The following LIMCH1 variants were observed in gnomAD, a reference collection of about 807,000 sequenced individuals.
The protein encoded by LIMCH1 is LIM and calponin homology domains-containing protein 1.
LIMCH1 carries 113 observed loss-of-function variants against 176.5 expected under a neutral mutation model. That is an observed-to-expected ratio of 0.64 (90% CI 0.55 to 0.75). LIMCH1 has a LOEUF of 0.75. Ranked by LOEUF, LIMCH1 falls within the 30% of genes least tolerant of loss-of-function variation. The probability of loss-of-function intolerance (pLI) is 0.00; values close to 1 mark genes in which losing one functional copy is unlikely to be tolerated. For missense variants in LIMCH1, 1,674 were observed against 1,814.9 expected, an observed-to-expected ratio of 0.92 and a Z score of 1.41; for synonymous variants, 619 against 645.9, an observed-to-expected ratio of 0.96 and a Z score of 0.63.
At chr4:41,618,892 G>A (rs1301036570) in intron 5 of LIMCH1, among the ~76,000 whole-genome samples, 1 of 152,160 alleles carries the variant, frequency 6.6e-6, no homozygotes, top group Non-Finnish European at 1.5e-5. Flanking sequence ...ATCTCAGGAG[G>A]CATAAAATCC....
At chr4:41,592,460 A>G (rs2087791105) in intron 1 of LIMCH1, among the ~76,000 whole-genome samples, 1 of 147,852 alleles carries the variant, frequency 6.8e-6, no homozygotes, top group Non-Finnish European at 1.5e-5. Context: ...AGCAGCAACT[A>G]TCTTTTTTTT....
chr4:41,680,023 G>A lies in LIMCH1; in HGVS notation c.3537G>A (p.Glu1179=), dbSNP rs1247391784. ...CATAACAGGAGAGATACCAGAAGGA[G>A]CAGGACAAGCTGAAAGAAGAGTGGG... ...ERLLQERYQK[E]QDKLKEEWEK... Residue 1179 remains glutamate, a synonymous_variant, in exon 24 of 32, where the codon GAG becomes GAA. Coordinates refer to ENST00000503057, the MANE Select transcript of LIMCH1 (RefSeq NM_001330672.2). The A allele has an allele frequency of 1.2e-6, 2 of 1,609,896 alleles. No homozygotes were observed. Among genetic ancestry groups the A allele is most frequent in the African/African-American group, 2.7e-5 (2 of 74,894 alleles).
intron 2 of LIMCH1, among the ~76,000 whole-genome samples, chr4:41,520,466 T>C (rs1335843365): frequency 6.6e-6 from 1 of 152,222 alleles, no homozygotes; most frequent in African/African-American, 2.4e-5. Context: ...TACTACTGCG[T>C]GGCCTACTTG....
intron 3 of LIMCH1, among the ~76,000 whole-genome samples, chr4:41,532,287 G>T (rs938051869): frequency 2.0e-5 from 3 of 152,166 alleles, no homozygotes; most frequent in Admixed American, 2.0e-4. Context: ...TGGCTTGTGT[G>T]CTGCTGTTTG....
At chr4:41,489,639 G>C (rs963891419) in intron 1 of LIMCH1, among the ~76,000 whole-genome samples, 10 of 151,894 alleles carry the variant, frequency 6.6e-5, no homozygotes, top group African/African-American at 2.2e-4. Flanking sequence ...ATTGCAATCA[G>C]ATAACATATT....
chr4:41,635,658 C>T (rs941688870), intron 13 of LIMCH1, among the ~76,000 whole-genome samples: 11 of 152,158 alleles, frequency 7.2e-5, no homozygotes, highest in Admixed American at 5.2e-4. Context: ...CAAACACTGT[C>T]GGTATGCACA....
Position 41,627,019 on chromosome 4 carries a change from G to GTGTGTGTGTGTGTGT in LIMCH1, c.1028+9_1028+10insTGTGTGTGTGTGTGT, listed in dbSNP as rs1554136112. 8.1e-7 allele frequency: 1 copy of GTGTGTGTGTGTGTGT among 1,239,538 alleles called. No individual in the cohort carries two copies. The highest frequency in any genetic ancestry group is 1.8e-5 in the African/African-American group (1 of 56,798). The allele number at this position is 1,239,538 out of a possible 1,614,324, so 76.8% of individuals were successfully genotyped here. A position where few individuals can be genotyped will look rare whatever the true frequency, so the allele number is the denominator to read the frequency against. On this transcript the variant is annotated intron_variant, in intron 8 of 31. Transcript: ENST00000503057. The stretch of plus-strand genomic sequence containing the variant: ...AGTCTAGAATATAAAAGGTGTGCAT[G>GTGTGTGTGTGTGTGT]GTGTGTGTGTGTGTGTGTGTGTGTG...
At chr4:41,400,444 A>T (rs1347171567) in intron 1 of LIMCH1, among the ~76,000 whole-genome samples, 1 of 152,212 alleles carries the variant, frequency 6.6e-6, no homozygotes, top group Non-Finnish European at 1.5e-5. Context: ...GGACTCTGTC[A>T]TAAGTAATGC....
chr4:41,372,399 AG>A (rs1451576254), intron 1 of LIMCH1, among the ~76,000 whole-genome samples: 2 of 152,160 alleles, frequency 1.3e-5, no homozygotes, highest in Non-Finnish European at 2.9e-5. Flanking sequence ...GTAGGATACA[AG>A]GTTTTTGGCT....
intron 1 of LIMCH1, among the ~76,000 whole-genome samples, chr4:41,485,432 T>C (rs1196021511): frequency 6.6e-6 from 1 of 152,204 alleles, no homozygotes; most frequent in Non-Finnish European, 1.5e-5. Flanking sequence ...CCAAGAAATA[T>C]TTTGGTTAGT....
intron 1 of LIMCH1, among the ~76,000 whole-genome samples, chr4:41,553,378 G>T (rs1206595221): frequency 1.3e-5 from 2 of 152,178 alleles, no homozygotes; most frequent in African/African-American, 4.8e-5. Flanking sequence ...GGAATTTGGA[G>T]AAATCTTCCT....
intron 6 of LIMCH1, chr4:41,620,195 T>G: frequency 2.1e-6 from 1 of 482,150 alleles, no homozygotes; most frequent in Non-Finnish European, 3.6e-6. Flanking sequence ...CAGAAAAGGT[T>G]TTTGCCTTTC....
At chr4:41,524,486 C>T (rs4266323) in intron 3 of LIMCH1, 681,065 of 1,599,336 alleles carry the variant, frequency 0.43, 156,608 homozygotes, top group African/African-American at 0.89. Context: ...CTGGTGAGTA[C>T]GTGGAATTGA....
In LIMCH1 at chr4:41,418,999, A is replaced by G. The variant is rs544653383; in HGVS notation, c.96+58063A>G. ...AATCTTAAGTCATCCACATTTCACA[A>G]AGGATTGTGTTAAAATTCTTTCAGA... On this transcript the variant is annotated intron_variant, in intron 1 of 26. Coordinates refer to the LIMCH1 transcript ENST00000313860. Among the ~76,000 whole-genome samples, 6 of 152,274 alleles carry G rather than the reference A, an allele frequency of 3.9e-5. No homozygotes were observed. In the South Asian group the frequency reaches 1.2e-3, roughly 32 times the overall value.
chr4:41,421,295 G>T (rs534720491), intron 1 of LIMCH1, among the ~76,000 whole-genome samples: 1 of 152,308 alleles, frequency 6.6e-6, no homozygotes, highest in East Asian at 1.9e-4. Flanking sequence ...TCATACCTGG[G>T]TGTGAACCAA....
chr4:41,542,513 T>C (rs952220017), intron 1 of LIMCH1, among the ~76,000 whole-genome samples: 5 of 152,010 alleles, frequency 3.3e-5, no homozygotes, highest in Non-Finnish European at 7.4e-5. Context: ...AAGAGAAAAA[T>C]GCATATAAAT....
At chr4:41,624,373 G>A (rs1448464726) in intron 7 of LIMCH1, among the ~76,000 whole-genome samples, 1 of 151,988 alleles carries the variant, frequency 6.6e-6, no homozygotes, top group Admixed American at 6.6e-5. Context: ...AAGAGCAGAT[G>A]CAGCTAAGTG....
intron 1 of LIMCH1, among the ~76,000 whole-genome samples, chr4:41,488,815 G>A (rs1034725800): frequency 6.6e-6 from 1 of 152,078 alleles, no homozygotes; most frequent in Non-Finnish European, 1.5e-5. Context: ...GTCTGGTTTC[G>A]ATATCAGGGT....
At chr4:41,444,472 G>T (rs2063065804) in intron 1 of LIMCH1, among the ~76,000 whole-genome samples, 2 of 152,242 alleles carry the variant, frequency 1.3e-5, no homozygotes, top group South Asian at 2.1e-4. Flanking sequence ...TGACCTTAAG[G>T]GTAGGTCAGT....
Sources: allele counts gnomAD v4.1 joint callset (sites outside exome capture counted in the v4.1 genomes callset), GRCh38; gene constraint gnomAD v4.1.1; transcripts MANE v1.5; gene names NCBI Gene and HGNC (gene_info 2026-07-23, HGNC 2026-07-21).